HEATR9: variants seen among roughly 807,000 people sequenced by gnomAD.
HEATR9 encodes protein HEATR9.
HEATR9 carries 54 observed loss-of-function variants against 68.2 expected under a neutral mutation model. The ratio of observed to expected loss-of-function variants is 0.79; its 90% confidence interval spans 0.64 to 0.99. The LOEUF is 0.99. Ranked by LOEUF, HEATR9 falls within the 50% of genes least tolerant of loss-of-function variation. The pLI, the probability that HEATR9 is intolerant of heterozygous loss-of-function variation, is 0.00. For missense variants in HEATR9, 662 were observed against 679.7 expected, an observed-to-expected ratio of 0.97 and a Z score of 0.29; for synonymous variants, 241 against 253.5, an observed-to-expected ratio of 0.95 and a Z score of 0.47.
In HEATR9 at chr17:35,864,557, C is replaced by T. The variant is rs763682256; in HGVS notation, c.454-4G>A. On this transcript the variant is annotated splice_polypyrimidine_tract_variant and splice_region_variant and intron_variant, in intron 4 of 14. Transcript: ENST00000604834. Reference sequence around the variant, plus strand: ...ATTCCAGGCTTTTTGTGAGTTCCTGCCCATCCAAGGCAGCCAGTGGAAAGG... The same window carrying T: ...ATTCCAGGCTTTTTGTGAGTTCCTGTCCATCCAAGGCAGCCAGTGGAAAGG... 2 of 1,613,392 alleles carry T rather than the reference C, an allele frequency of 1.2e-6. No individual in the cohort carries two copies. Among genetic ancestry groups the T allele is most frequent in the Non-Finnish European group, 1.7e-6 (2 of 1,179,786 alleles).
At chr17:35,865,501 A>G (rs1312367057) in intron 2 of HEATR9, 105 bp from the exon 3 acceptor site, 33 of 769,646 alleles carry the variant, frequency 4.3e-5, no homozygotes, top group Non-Finnish European at 6.7e-5. Context: ...GGTGAAACAG[A>G]TGCCCTCTAG....
chr17:35,856,356 T>A, intron 12 of HEATR9, 132 bp from the exon 13 acceptor site: 2 of 1,597,080 alleles, frequency 1.3e-6, no homozygotes, highest in African/African-American at 2.7e-5. Flanking sequence ...CTTCTCTTGT[T>A]TCTTGGATCA....
rs2088147755 is a variant in HEATR9 at position 35,865,084 on chromosome 17, G to A, written c.320+131C>T. 13 of 1,305,336 alleles carry A rather than the reference G, an allele frequency of 1.0e-5. No homozygotes were observed. The South Asian group carries it at 1.8e-4, about 18-fold the overall frequency. The allele number at this position is 1,305,336 out of a possible 1,614,324, so 80.9% of individuals were successfully genotyped here. ...GCCAGATGGAGCTGAGCCAAGCCGA[G>A]CCGCCCTAAGCTCCTCTCTGGGACC... On this transcript the variant is annotated intron_variant, in intron 3 of 14. Coordinates refer to ENST00000604834, the MANE Select transcript of HEATR9 (RefSeq NM_152781.4).
intron 8 of HEATR9, among the ~76,000 whole-genome samples, chr17:35,859,358 C>A (rs1028609762): frequency 3.3e-5 from 5 of 152,182 alleles, no homozygotes; most frequent in African/African-American, 9.7e-5. Context: ...CCTCCAATAT[C>A]CTTGTCCTCT....
rs1443386367 is a variant in HEATR9, at chr17:35,868,720, T to C, written c.23A>G (p.Asp8Gly). 5.0e-6 allele frequency: 8 copies of C among 1,614,120 alleles called. No individual in the cohort carries two copies. Among genetic ancestry groups the C allele is most frequent in the South Asian group, 2.2e-5 (2 of 91,080 alleles). Residue 8 changes from aspartate (D) to glycine (G), a missense_variant, in exon 1 of 15, where the codon GAT (aspartate) becomes GGT (glycine). Asp to Gly is a moderately conservative substitution (Grantham distance 94). Transcript: ENST00000604834. ...CATTGACCTGGAGACATCAGAGATA[T>C]CAGTTGATTTTTCATAGGCCATCTT... MAYEKST[D>G]ISDVSRSMFL...
rs115304580 is a variant in HEATR9, at chr17:35,858,892, A to C, written c.935T>G (p.Met312Arg). The C allele has an allele frequency of 3.1e-6, 5 of 1,613,196 alleles. No homozygotes were observed. ...CCAGCCTCCTGCCCCTCACACCTTC[A>C]TCCGCTGGGTCTTGAGTCCTTGGCA... The part of the protein sequence containing the change: ...CLCQGLKTQR[M>R]KALRMLVKVM... Residue 312 changes from methionine (M) to arginine (R), a missense_variant, in exon 9 of 15, where the codon ATG (methionine) becomes AGG (arginine). Met to Arg is a moderately conservative substitution (Grantham distance 91). Transcript: ENST00000604834.
intron 8 of HEATR9, among the ~76,000 whole-genome samples, chr17:35,860,553 G>A (rs1178714273): frequency 4.1e-5 from 6 of 147,772 alleles, no homozygotes; most frequent in African/African-American, 1.3e-4. Flanking sequence ...GCAGTGGCAC[G>A]ATCTCGGCTC....
At position 35,858,497 on chromosome 17, in the gene HEATR9, T is replaced by C. The variant is rs2087857608; in HGVS notation, c.968A>G (p.His323Arg). The C allele has an allele frequency of 6.2e-7, 1 of 1,613,376 alleles. No homozygotes were observed. Among genetic ancestry groups the C allele is most frequent in the Admixed American group, 1.7e-5 (1 of 59,928 alleles). Residue 323 changes from histidine (H) to arginine (R), a missense_variant, in exon 10 of 15, where the codon CAC becomes CGC. Physicochemically the swap from His to Arg is conservative, Grantham distance 29 (BLOSUM62 0). Transcript: ENST00000604834. ...CTTGATGACTGGGGCTGAGTGCACG[T>C]GCATCACCTTGACCAGCATCCTAAG... ...KALRMLVKVM[H>R]VHSAPVIKAI... is the part of the protein sequence containing the mutation.
intron 8 of HEATR9, chr17:35,861,051 A>G (rs1415843848): frequency 1.2e-6 from 1 of 829,062 alleles, no homozygotes; most frequent in Non-Finnish European, 2.1e-6. Flanking sequence ...GTCTCAAAAA[A>G]AAAAAGAAAT....
In HEATR9 at chr17:35,855,123, T is replaced by C. The variant is rs1478854980; in HGVS notation, c.1653A>G (p.Ile551Met). Residue 551 changes from isoleucine (I) to methionine (M), a missense_variant, in exon 15 of 15, where the codon ATA (isoleucine) becomes ATG (methionine). Transcript: ENST00000604834. Reference protein sequence around the residue: ...SKPRKHRPQVIGPWQPRIKKQ... With the variant: ...SKPRKHRPQVMGPWQPRIKKQ... ...TCTTGATCCTTGGCTGCCAGGGCCC[T>C]ATGACCTGTGGCCTATGTTTTCGTG... The C allele has an allele frequency of 6.2e-7, 1 of 1,614,216 alleles. No individual in the cohort carries two copies. Among genetic ancestry groups the C allele is most frequent in the Non-Finnish European group, 8.5e-7 (1 of 1,180,040 alleles).
intron 6 of HEATR9, chr17:35,863,926 A>T: frequency 1.9e-6 from 1 of 538,032 alleles, no homozygotes; most frequent in South Asian, 2.5e-5. Flanking sequence ...TGGTAAGCTG[A>T]TGTATACATA....
intron 6 of HEATR9, chr17:35,863,940 G>A: frequency 1.7e-5 from 9 of 533,190 alleles, no homozygotes; most frequent in South Asian, 1.3e-4. Flanking sequence ...ATACATATGC[G>A]GTGTTTCCAG....
At chr17:35,865,048 G>T (rs565305148) in intron 3 of HEATR9, among the ~76,000 whole-genome samples, 158 bp from the exon 4 acceptor site, 1 of 151,716 alleles carries the variant, frequency 6.6e-6, no homozygotes, top group African/African-American at 2.4e-5. Flanking sequence ...GAGCCGAGCC[G>T]AGCCGGCCGA....
At chr17:35,860,671 A>G (rs1392571870) in intron 8 of HEATR9, among the ~76,000 whole-genome samples, 17 of 150,796 alleles carry the variant, frequency 1.1e-4, no homozygotes, top group East Asian at 1.0e-3. Flanking sequence ...TTGTATTTTT[A>G]GTAGAGACCG....
In HEATR9 at chr17:35,856,638, G is replaced by A. The variant is rs1267274483; in HGVS notation, c.1226+94C>T. 7 of 1,119,120 alleles carry A rather than the reference G, an allele frequency of 6.3e-6. No homozygotes were observed. The Admixed American group carries it at 1.4e-4, about 22-fold the overall frequency. The allele number at this position is 1,119,120 out of a possible 1,614,324, so 69.3% of individuals were successfully genotyped here. On this transcript the variant is annotated intron_variant, in intron 12 of 14. Coordinates refer to ENST00000604834, the MANE Select transcript of HEATR9 (RefSeq NM_152781.4). ...GCACTGTAGGTTCTCAGCTCTCACT[G>A]ACCCTCTGACCCCTTCCCACTGACC...
Position 35,856,818 on chromosome 17 carries a change from CA to C in HEATR9, c.1153-14del. Reference sequence around the variant, plus strand: ...CCTGCCTCACAGCCTGCAGAGGGATCAAAATGAGTCAACAGAGAGAGGGAAT... The same window carrying C: ...CCTGCCTCACAGCCTGCAGAGGGATCAAATGAGTCAACAGAGAGAGGGAAT... On this transcript the variant is annotated splice_polypyrimidine_tract_variant and intron_variant, in intron 11 of 14. Coordinates refer to ENST00000604834, the MANE Select transcript of HEATR9 (RefSeq NM_152781.4). 1 of 1,592,316 alleles carries C rather than the reference CA, an allele frequency of 6.3e-7. No homozygotes were observed.
At chr17:35,855,827 T>C (rs974604329) in intron 13 of HEATR9, 77 bp from the exon 14 acceptor site, 4 of 1,200,452 alleles carry the variant, frequency 3.3e-6, no homozygotes, top group African/African-American at 3.0e-5. Flanking sequence ...TTCTAGCCCC[T>C]TTGTGAGACT....
At position 35,868,842 on chromosome 17, in the gene HEATR9, G is replaced by A. The variant is rs893829011; in HGVS notation, c.-100C>T. 1.3e-5 allele frequency: 13 copies of A among 1,027,750 alleles called. No homozygotes were observed. The highest frequency in any genetic ancestry group is 6.3e-5 in the African/African-American group (4 of 63,816). 63.7% of individuals were successfully genotyped at this position (1,027,750 alleles called of 1,614,324 possible). On this transcript the variant is annotated 5_prime_UTR_variant, in exon 1 of 15. Coordinates refer to ENST00000604834, the MANE Select transcript of HEATR9 (RefSeq NM_152781.4). ...GGAGGAGACCTGTCCTCTGTGGTAC[G>A]AGAGGTACAGGGGAGGTGTCTGGAC...
intron 3 of HEATR9, among the ~76,000 whole-genome samples, 162 bp downstream of exon 3, chr17:35,865,053 G>GGCCAAGCCA (rs2088146222): frequency 6.6e-6 from 1 of 151,936 alleles, no homozygotes; most frequent in African/African-American, 2.4e-5. Flanking sequence ...GAGCCGAGCC[G>GGCCAAGCCA]GCCGAGCCAG....
Sources: allele counts gnomAD v4.1 joint callset (sites outside exome capture counted in the v4.1 genomes callset), GRCh38; gene constraint gnomAD v4.1.1; transcripts MANE v1.5; gene names NCBI Gene and HGNC (gene_info 2026-07-23, HGNC 2026-07-21).